Variants in FBXL18 observed in about 807,000 individuals in gnomAD.
FBXL18 encodes the protein F-box and leucine rich repeat protein 18.
In FBXL18, 36 loss-of-function variants were observed where a neutral mutation model predicts 46.0. That is an observed-to-expected ratio of 0.78 (90% confidence interval 0.60 to 1.03). The LOEUF (loss-of-function observed/expected upper bound fraction) is 1.03. FBXL18 is among the 50% of genes least tolerant of loss of function. The probability of loss-of-function intolerance (pLI) is 0.00; values close to 1 mark genes in which losing one functional copy is unlikely to be tolerated. For missense variants in FBXL18, 977 were observed against 1,004.1 expected, an observed-to-expected ratio of 0.97 and a Z score of 0.36; for synonymous variants, 557 against 465.3, an observed-to-expected ratio of 1.20 and a Z score of -2.54.
chr7:5,466,854 G>A (rs966022525), intron 4 of FBXL18, among the ~76,000 whole-genome samples: 3 of 152,192 alleles, frequency 2.0e-5, no homozygotes, highest in Non-Finnish European at 2.9e-5. Context: ...GCCAGCTGGA[G>A]GTCGCCCCAT....
At position 5,501,198 on chromosome 7, in the gene FBXL18, C is replaced by G; in HGVS notation, c.1071G>C (p.Leu357=). The change falls in exon 3 of 5, where the codon CTG becomes CTC. Residue 357 remains leucine (L), a synonymous_variant. Transcript: ENST00000382368. ...CCTTGCGGAGCAGCGAGTCTGGGGA[C>G]AGGCAGTGGACGCAGCCGCTGAGGT... ...SLNLSGCVHC[L]SPDSLLRKAE... 1 of 1,613,320 alleles carries G rather than the reference C, an allele frequency of 6.2e-7. No homozygotes were observed. The highest frequency in any genetic ancestry group is 8.5e-7 in the Non-Finnish European group (1 of 1,179,662).
chr7:5,481,837 G>A lies in FBXL18; in HGVS notation c.2095C>T (p.Leu699=), dbSNP rs10951956. 224,253 of 1,613,674 alleles carry A rather than the reference G, an allele frequency of 0.14. 16,909 individuals carry two copies. Among genetic ancestry groups the A allele is most frequent in the South Asian group, 0.24 (22,167 of 91,086 alleles). The change falls in exon 5 of 5, where the codon CTG becomes TTG. Residue 699 remains leucine, a synonymous_variant. Transcript: ENST00000382368. ...CTCTTAAATAAGGTGATCTCATCCA[G>A]GTGCACCAGGGGGACGTCCCGGATG... ...DVIRDVPLVH[L]DEITLFKSRV...
chr7:5,460,196 G>A (rs1226410058), intron 4 of FBXL18, among the ~76,000 whole-genome samples: 1 of 152,106 alleles, frequency 6.6e-6, no homozygotes, highest in African/African-American at 2.4e-5. Context: ...GGAGGTTGCA[G>A]TGAGCCAAGA....
chr7:5,462,987 TATATATATA>T (rs1456697235), intron 4 of FBXL18, among the ~76,000 whole-genome samples: 632 of 45,824 alleles, frequency 0.014, 36 homozygotes, highest in Middle Eastern at 0.051. Context: ...TATATATATA[TATATATATA>T]ATATATATAC....
chr7:5,470,006 C>A (rs1365495496), intron 4 of FBXL18, among the ~76,000 whole-genome samples: 1 of 152,012 alleles, frequency 6.6e-6, no homozygotes, highest in African/African-American at 2.4e-5. Flanking sequence ...CTGAAGTGTA[C>A]GGGTATGAAC....
intron 4 of FBXL18, chr7:5,489,580 C>T (rs5023983): frequency 0.44 from 107,782 of 245,646 alleles, 24,067 homozygotes; most frequent in South Asian, 0.53. Context: ...ACCATCCTGG[C>T]CAACACAGTG....
chr7:5,480,548 A>ATTTTTTTT lies in FBXL18; in HGVS notation c.*1219_*1226dup, dbSNP rs1180980635. 1 of 40,344 alleles carries ATTTTTTTT rather than the reference A, an allele frequency of 2.5e-5. No homozygotes were observed. Among genetic ancestry groups the ATTTTTTTT allele is most frequent in the Non-Finnish European group, 4.7e-5 (1 of 21,132 alleles). The allele number at this position is 40,344 out of a possible 1,614,324, so 2.5% of individuals were successfully genotyped here. A position where few individuals can be genotyped will look rare whatever the true frequency, so the allele number is the denominator to read the frequency against. On this transcript the variant is annotated 3_prime_UTR_variant, in exon 5 of 5. Coordinates refer to ENST00000382368, the MANE Select transcript of FBXL18 (RefSeq NM_024963.6). The stretch of plus-strand genomic sequence containing the variant: ...GTTGAATATATATATATATATATAT[A>ATTTTTTTT]TTTTTTTTTTTTTTTTTTTTTTTTT...
intron 2 of FBXL18, among the ~76,000 whole-genome samples, chr7:5,503,233 T>A (rs1005208305): frequency 3.9e-5 from 6 of 152,148 alleles, no homozygotes; most frequent in Non-Finnish European, 8.8e-5. Flanking sequence ...AGAAAAAATA[T>A]ATTAGCCAGG....
chr7:5,506,550 C>T (rs980740629), intron 1 of FBXL18, among the ~76,000 whole-genome samples: 1 of 137,308 alleles, frequency 7.3e-6, no homozygotes, highest in South Asian at 2.3e-4. Context: ...CCACCATGCC[C>T]GGCTTTTTTT....
Position 5,470,690 on chromosome 7 carries a change from TCCCC to T in FBXL18, c.2000+20537_2000+20540del, listed in dbSNP as rs1387432078. 4.3e-3 allele frequency among the ~76,000 whole-genome samples: 227 copies of T among 52,564 alleles called. 2 individuals carry two copies. Among genetic ancestry groups the T allele is most frequent in the African/African-American group, 0.019 (215 of 11,532 alleles). 34.5% of individuals were successfully genotyped at this position (52,564 alleles called of 152,430 possible). A position where few individuals can be genotyped will look rare whatever the true frequency, so the allele number is the denominator to read the frequency against. On this transcript the variant is annotated intron_variant and NMD_transcript_variant, in intron 4 of 6. Coordinates refer to the FBXL18 transcript ENST00000415009. ...GACCCCCGGCCCAGAGGCTGCCCCC[TCCCC>T]TTCCCGGGGGGGAGATGTCCCCTTC...
Position 5,498,703 on chromosome 7 carries a change from T to C in FBXL18, c.1781+1785A>G, listed in dbSNP as rs139998547. On this transcript the variant is annotated intron_variant, in intron 3 of 4. Transcript: ENST00000382368. ...CTCCTGCCTCAGCCTCCTGAGTAGC[T>C]GGGACTACAGGTGCCTGCTCCCACG... 6.0e-3 allele frequency among the ~76,000 whole-genome samples: 919 copies of C among 152,346 alleles called. 7 individuals carry two copies. The highest frequency in any genetic ancestry group is 0.021 in the African/African-American group (889 of 41,586).
Position 5,489,906 on chromosome 7 carries a change from C to T in FBXL18, c.2000+1325G>A, listed in dbSNP as rs186764300. On this transcript the variant is annotated intron_variant, in intron 4 of 4. Coordinates refer to ENST00000382368, the MANE Select transcript of FBXL18 (RefSeq NM_024963.6). The stretch of plus-strand genomic sequence containing the variant: ...GTTGCAGTGAGCTGAGATCCCGCCA[C>T]TGCACTCCAGCCTGGACGACAGAGT... The T allele has an allele frequency of 4.6e-5, 49 of 1,063,148 alleles. No individual in the cohort carries two copies. The African/African-American group carries it at 6.8e-4, about 15-fold the overall frequency. The allele number at this position is 1,063,148 out of a possible 1,614,324, so 65.9% of individuals were successfully genotyped here.
At chr7:5,512,296 TTAAAAAAA>T (rs1421144961) in intron 1 of FBXL18, among the ~76,000 whole-genome samples, 1 of 105,362 alleles carries the variant, frequency 9.5e-6, no homozygotes, top group African/African-American at 4.5e-5. Context: ...GAAGTGTTAT[TTAAAAAAA>T]AAAAAAAAAA....
chr7:5,458,706 A>G (rs1057450148), intron 4 of FBXL18, among the ~76,000 whole-genome samples: 17 of 150,718 alleles, frequency 1.1e-4, no homozygotes, highest in African/African-American at 3.9e-4. Flanking sequence ...CCCAAAAAAA[A>G]AAAAATTAGC....
At chr7:5,505,034 G>T (rs1342951512) in intron 2 of FBXL18, among the ~76,000 whole-genome samples, 3 of 150,644 alleles carry the variant, frequency 2.0e-5, no homozygotes, top group Non-Finnish European at 4.4e-5. Context: ...CTGCTGGGGG[G>T]TGCAAAATGG....
At chr7:5,506,681 T>C (rs920171191) in intron 1 of FBXL18, among the ~76,000 whole-genome samples, 1 of 152,098 alleles carries the variant, frequency 6.6e-6, no homozygotes, top group East Asian at 1.9e-4. Flanking sequence ...CTCAGCCTCC[T>C]GAGTACCTGG....
intron 3 of FBXL18, among the ~76,000 whole-genome samples, chr7:5,497,681 T>G (rs1270704541): frequency 1.3e-5 from 2 of 152,108 alleles, no homozygotes; most frequent in East Asian, 3.8e-4. Flanking sequence ...GGCGCCCTTA[T>G]CTCTACTCTG....
chr7:5,455,544 C>T lies in FBXL18; in HGVS notation c.2001-7701G>A, dbSNP rs1048027907. Among the ~76,000 whole-genome samples, 1 of 152,136 alleles carries T rather than the reference C, an allele frequency of 6.6e-6. No individual in the cohort carries two copies. The highest frequency in any genetic ancestry group is 1.5e-5 in the Non-Finnish European group (1 of 68,020). On this transcript the variant is annotated intron_variant and NMD_transcript_variant, in intron 4 of 6. Transcript: ENST00000415009. This position sits in a 1 kb window ranked among gnomAD's most constrained non-coding sequence, Gnocchi z 4.6. ...GCCCCTCCTGTCCTCCCTGATTCCC[C>T]ACAGGACAGTGCCATCCCCTCGGTG...
chr7:5,460,157 G>A (rs1361372833), intron 4 of FBXL18, among the ~76,000 whole-genome samples: 1 of 152,038 alleles, frequency 6.6e-6, no homozygotes, highest in Admixed American at 6.6e-5. Context: ...GGGAGGCTGA[G>A]GCAGGAGAAT....
Sources: allele counts gnomAD v4.1 joint callset (sites outside exome capture counted in the v4.1 genomes callset), GRCh38; gene constraint gnomAD v4.1.1; non-coding constraint Gnocchi (gnomAD v3.1); transcripts MANE v1.5; gene names NCBI Gene and HGNC (gene_info 2026-07-23, HGNC 2026-07-21).